RYR2: variants seen among roughly 807,000 people sequenced by gnomAD.
RYR2 encodes the protein cardiac muscle ryanodine receptor-calcium release channel.
A neutral mutation model predicts 601.1 loss-of-function variants in RYR2; 227 were observed. The observed-to-expected ratio is 0.38, with a 90% CI of 0.34 to 0.42. RYR2 has a LOEUF of 0.42. RYR2 is among the 10% of genes least tolerant of loss of function. RYR2 has a pLI of 1.00. For synonymous variants in RYR2, 2,223 were observed against 2,175.1 expected, an observed-to-expected ratio of 1.02 and a Z score of -0.61; for missense variants, 4,646 against 6,156.5, an observed-to-expected ratio of 0.75 and a Z score of 8.21.
intron 61 of RYR2, among the ~76,000 whole-genome samples, chr1:237,680,096 T>A (rs1359069779): frequency 6.6e-6 from 1 of 152,202 alleles, no homozygotes; most frequent in East Asian, 1.9e-4. Flanking sequence ...CAGTTGCTAT[T>A]ATCAGTTGCA....
intron 3 of RYR2, among the ~76,000 whole-genome samples, chr1:237,351,852 T>C (rs968355669): frequency 2.8e-5 from 1 of 36,030 alleles, no homozygotes; most frequent in South Asian, 6.0e-4. Flanking sequence ...ACAAAGACCA[T>C]GCAAAAAAAA....
chr1:237,450,989 T>G (rs1485511850), intron 14 of RYR2, among the ~76,000 whole-genome samples: 1 of 152,110 alleles, frequency 6.6e-6, no homozygotes, highest in African/African-American at 2.4e-5. Flanking sequence ...ATGTTTATAT[T>G]GCATATATAT....
chr1:237,813,651 T>C (rs1661483754), intron 100 of RYR2, among the ~76,000 whole-genome samples: 7 of 152,216 alleles, frequency 4.6e-5, no homozygotes. Flanking sequence ...TGATTTTGCC[T>C]AATTTCATGG....
intron 3 of RYR2, among the ~76,000 whole-genome samples, chr1:237,351,614 A>G (rs759198003): frequency 7.9e-5 from 12 of 152,042 alleles, no homozygotes; most frequent in Non-Finnish European, 1.8e-4. Flanking sequence ...TTAGCGAAAT[A>G]CAGTTTACCA....
At chr1:237,564,600 C>T (rs1299640695) in intron 27 of RYR2, among the ~76,000 whole-genome samples, 1 of 152,102 alleles carries the variant, frequency 6.6e-6, no homozygotes, top group Non-Finnish European at 1.5e-5. Context: ...CACAAACTAC[C>T]TTTAAATATC....
chr1:237,574,403 C>G (rs2779413), intron 29 of RYR2, among the ~76,000 whole-genome samples: 134,383 of 152,228 alleles, frequency 0.88, 61,074 homozygotes, highest in Non-Finnish European at 0.98. Flanking sequence ...GAATCTTTCT[C>G]TGTGGTGTTC....
At chr1:237,294,411 A>G (rs961936914) in intron 2 of RYR2, among the ~76,000 whole-genome samples, 3 of 151,964 alleles carry the variant, frequency 2.0e-5, no homozygotes, top group African/African-American at 7.2e-5. Flanking sequence ...ATCCTGATCT[A>G]TTCAGGATAG....
intron 1 of RYR2, among the ~76,000 whole-genome samples, chr1:237,113,629 T>C (rs1482765325): frequency 1.3e-5 from 2 of 152,152 alleles, no homozygotes; most frequent in Non-Finnish European, 2.9e-5. Context: ...AGGGAGTGGG[T>C]ACATCATCAA....
Position 237,721,664 on chromosome 1 carries a change from G to A in RYR2, c.10555-1464G>A, listed in dbSNP as rs368723057. Among the ~76,000 whole-genome samples the A allele has an allele frequency of 1.4e-3, 214 of 152,008 alleles. 1 individual carries two copies. Among genetic ancestry groups the A allele is most frequent in the African/African-American group, 4.8e-3 (200 of 41,454 alleles). Reference sequence around the variant, plus strand: ...CTCCCGAGTAGCTGTGATTACAGGCGTGCACCACCACACCCAGCTAATTTT... The same window carrying A: ...CTCCCGAGTAGCTGTGATTACAGGCATGCACCACCACACCCAGCTAATTTT... On this transcript the variant is annotated intron_variant, in intron 73 of 104. Coordinates refer to ENST00000366574, the MANE Select transcript of RYR2 (RefSeq NM_001035.3).
chr1:237,445,232 A>G (rs1356466260), intron 13 of RYR2, among the ~76,000 whole-genome samples, 169 bp from the exon 14 acceptor site: 1 of 152,210 alleles, frequency 6.6e-6, no homozygotes, highest in Non-Finnish European at 1.5e-5. Context: ...TAATTTGTAT[A>G]GGGAGCTGTG....
At chr1:237,308,956 T>C (rs544525137) in intron 2 of RYR2, among the ~76,000 whole-genome samples, 4 of 152,342 alleles carry the variant, frequency 2.6e-5, no homozygotes, top group African/African-American at 9.6e-5. Flanking sequence ...ATCCCTGAGT[T>C]AGACACAAAA....
intron 10 of RYR2, among the ~76,000 whole-genome samples, chr1:237,410,763 C>T (rs1704371701): frequency 6.6e-6 from 1 of 152,142 alleles, no homozygotes; most frequent in African/African-American, 2.4e-5. Flanking sequence ...TCAAGTCCAA[C>T]AGTTCTCGAG....
At chr1:237,748,251 G>A (rs1019329023) in intron 80 of RYR2, among the ~76,000 whole-genome samples, 19 of 152,058 alleles carry the variant, frequency 1.2e-4, no homozygotes, top group African/African-American at 4.3e-4. Context: ...GCTCAGTTGT[G>A]TGGGATGCCT....
chr1:237,383,685 T>C (rs1487138478), intron 8 of RYR2, among the ~76,000 whole-genome samples: 2 of 152,096 alleles, frequency 1.3e-5, no homozygotes, highest in African/African-American at 4.8e-5. Context: ...CGCCTTGGCC[T>C]CCCAAAGTGC....
At chr1:237,071,943 G>A (rs1664397098) in intron 1 of RYR2, among the ~76,000 whole-genome samples, 3 of 152,358 alleles carry the variant, frequency 2.0e-5, no homozygotes, top group South Asian at 2.1e-4. Flanking sequence ...GCCAGGTCGC[G>A]ATAGCGCCCG....
At chr1:237,227,383 C>T (rs761576643) in intron 1 of RYR2, among the ~76,000 whole-genome samples, 2 of 152,086 alleles carry the variant, frequency 1.3e-5, no homozygotes, top group Non-Finnish European at 1.5e-5. Context: ...TGAAAGCAGC[C>T]GTAGTCTATG....
At chr1:237,149,883 C>T (rs917541781) in intron 1 of RYR2, among the ~76,000 whole-genome samples, 10 of 152,160 alleles carry the variant, frequency 6.6e-5, no homozygotes, top group African/African-American at 9.6e-5. Context: ...ATACATGAGC[C>T]GTTGCCATGA....
chr1:237,112,715 G>C (rs1321622283), intron 1 of RYR2, among the ~76,000 whole-genome samples: 1 of 152,024 alleles, frequency 6.6e-6, no homozygotes, highest in African/African-American at 2.4e-5. Context: ...ATGTTTTTAG[G>C]GCTCCACTTT....
At chr1:237,508,058 G>A (rs940126077) in intron 23 of RYR2, among the ~76,000 whole-genome samples, 6 of 152,114 alleles carry the variant, frequency 3.9e-5, no homozygotes, top group South Asian at 2.1e-4. Flanking sequence ...CCACCTACCC[G>A]GTTTAAGCGA....
Sources: gnomAD v4.1 joint callset for allele counts (sites outside exome capture counted in the v4.1 genomes callset) on GRCh38, gnomAD v4.1.1 for gene constraint, MANE v1.5 for transcripts, NCBI Gene and HGNC (gene_info 2026-07-23, HGNC 2026-07-21) for gene names.